Variants in DIS3L2 observed in about 807,000 individuals in gnomAD.
DIS3L2 encodes the protein DIS3-like exonuclease 2.
In DIS3L2, 34 loss-of-function variants were observed where a neutral mutation model predicts 97.5. The observed-to-expected ratio is 0.35, with a 90% confidence interval of 0.27 to 0.46. The LOEUF (loss-of-function observed/expected upper bound fraction) is 0.46. Among genes scored for constraint, DIS3L2 ranks in the 20% least tolerant of loss-of-function variants. The probability of loss-of-function intolerance (pLI) is 1.00; values close to 1 mark genes in which losing one functional copy is unlikely to be tolerated. For missense variants in DIS3L2, 1,038 were observed against 1,146.0 expected (o/e 0.91, Z 1.36); for synonymous variants, 435 against 445.2 (o/e 0.98, Z 0.29).
chr2:231,998,010 T>G (rs1693776037), intron 1 of DIS3L2, among the ~76,000 whole-genome samples: 3 of 152,222 alleles, frequency 2.0e-5, no homozygotes, highest in Admixed American at 1.3e-4. Flanking sequence ...CTCCTTTAAT[T>G]TGGAACAGTT....
At position 232,021,168 on chromosome 2, in the gene DIS3L2, G is replaced by T. The variant is rs375500587; in HGVS notation, c.211-3109G>T. Among the ~76,000 whole-genome samples, 23 of 152,132 alleles carry T rather than the reference G, an allele frequency of 1.5e-4. 3 individuals carry two copies. The highest frequency in any genetic ancestry group is 1.4e-3 in the Admixed American group (22 of 15,264). ...GGAAGGGAGAAAGCAGATAGCTGGG[G>T]TTAGTTGAGAGTAGAGAATCAAGGG... On this transcript the variant is annotated intron_variant, in intron 3 of 20. Coordinates refer to ENST00000325385, the MANE Select transcript of DIS3L2 (RefSeq NM_152383.5).
At chr2:232,201,446 C>T (rs929020073) in intron 9 of DIS3L2, among the ~76,000 whole-genome samples, 2 of 152,212 alleles carry the variant, frequency 1.3e-5, no homozygotes, top group African/African-American at 4.8e-5. Context: ...CTTTACAAGA[C>T]AACTGACCTG....
At chr2:232,033,663 T>G (rs1052423357) in intron 5 of DIS3L2, among the ~76,000 whole-genome samples, 1 of 152,086 alleles carries the variant, frequency 6.6e-6, no homozygotes, top group African/African-American at 2.4e-5. Context: ...GTTTATTGAG[T>G]GTTTTTAGCA....
At chr2:232,308,375 C>T (rs1559204766) in intron 14 of DIS3L2, among the ~76,000 whole-genome samples, 1 of 152,110 alleles carries the variant, frequency 6.6e-6, no homozygotes, top group Non-Finnish European at 1.5e-5. Context: ...CTCAGAGCCT[C>T]CTTGACACTC....
At chr2:232,243,578 C>G (rs934172547) in intron 11 of DIS3L2, among the ~76,000 whole-genome samples, 10 of 152,156 alleles carry the variant, frequency 6.6e-5, no homozygotes, top group Non-Finnish European at 1.5e-4. Context: ...TGAGAGTTTA[C>G]CAATGTGGTA....
intron 1 of DIS3L2, among the ~76,000 whole-genome samples, chr2:231,987,937 G>C (rs1032532970): frequency 6.6e-6 from 1 of 152,014 alleles, no homozygotes; most frequent in African/African-American, 2.4e-5. Flanking sequence ...TCTGCCTCTT[G>C]GGTTCAAGCG....
At chr2:232,100,085 G>T (rs1441730230) in intron 6 of DIS3L2, among the ~76,000 whole-genome samples, 1 of 151,916 alleles carries the variant, frequency 6.6e-6, no homozygotes, top group Non-Finnish European at 1.5e-5. Flanking sequence ...GCCCAGGCTG[G>T]AGTGCAATTG....
intron 4 of DIS3L2, among the ~76,000 whole-genome samples, chr2:232,028,526 A>G (rs945352105): frequency 2.6e-5 from 4 of 152,100 alleles, no homozygotes; most frequent in African/African-American, 9.7e-5. Flanking sequence ...TGACAGTACT[A>G]TCATCCCATC....
At chr2:232,238,679 T>C (rs535221872) in intron 11 of DIS3L2, 34 bp downstream of exon 11, 6 of 1,549,310 alleles carry the variant, frequency 3.9e-6, no homozygotes, top group Non-Finnish European at 5.3e-6. Flanking sequence ...TTTTTCTTGC[T>C]TTGTTTATTT....
intron 5 of DIS3L2, among the ~76,000 whole-genome samples, chr2:232,077,924 ATTTTCTTTCTTTCTTTCT>A (rs1372525430): frequency 7.0e-6 from 1 of 142,168 alleles, no homozygotes; most frequent in Non-Finnish European, 1.6e-5. Context: ...GTTATAGAGT[ATTTTCTTTCTTTCTTTCT>A]TTTTCTTTCT....
intron 5 of DIS3L2, among the ~76,000 whole-genome samples, chr2:232,061,002 A>G (rs766204348): frequency 6.6e-5 from 10 of 152,220 alleles, no homozygotes; most frequent in Admixed American, 2.6e-4. Flanking sequence ...TTGATTTTGT[A>G]TCATGAAACT....
chr2:232,170,936 A>G (rs999111367), intron 9 of DIS3L2, among the ~76,000 whole-genome samples: 4 of 152,304 alleles, frequency 2.6e-5, no homozygotes, highest in South Asian at 2.1e-4. Context: ...TTTGTGGGAA[A>G]GCTTTCAAAC....
chr2:232,102,917 A>G (rs1355761474), intron 6 of DIS3L2, among the ~76,000 whole-genome samples: 1 of 152,128 alleles, frequency 6.6e-6, no homozygotes, highest in Non-Finnish European at 1.5e-5. Context: ...GCCAGTCACA[A>G]TTTTATTTCC....
intron 12 of DIS3L2, among the ~76,000 whole-genome samples, chr2:232,262,069 A>G (rs925417577): frequency 1.3e-5 from 2 of 152,082 alleles, no homozygotes; most frequent in African/African-American, 2.4e-5. Context: ...TTTTCCTAAC[A>G]TCGGTCACTC....
chr2:232,158,176 T>C lies in DIS3L2; in HGVS notation c.951-5283T>C, dbSNP rs78013466. On this transcript the variant is annotated intron_variant, in intron 8 of 20. Transcript: ENST00000325385. ...CCACTGGGAGAAAGTTTCTGCTATA[T>C]TGTCTTTTCAGAGACCATCCCTTAC... Among the ~76,000 whole-genome samples the C allele has an allele frequency of 7.4e-3, 1,122 of 152,334 alleles. 14 individuals are homozygous for C. Among genetic ancestry groups the C allele is most frequent in the African/African-American group, 0.026 (1,083 of 41,576 alleles).
chr2:232,026,690 T>A (rs1287804662), intron 4 of DIS3L2, among the ~76,000 whole-genome samples: 1 of 151,956 alleles, frequency 6.6e-6, no homozygotes, highest in Non-Finnish European at 1.5e-5. Context: ...AGAGCAGAGG[T>A]CCTATGGTTC....
chr2:232,055,008 A>G (rs1185315161), intron 5 of DIS3L2, among the ~76,000 whole-genome samples: 2 of 152,352 alleles, frequency 1.3e-5, no homozygotes, highest in South Asian at 2.1e-4. Context: ...GGAAAAATCT[A>G]TGGTTACTCT....
rs1309913496 is a variant in DIS3L2 at position 232,336,543 on chromosome 2, G to C, written c.2571G>C (p.Leu857=). Residue 857 remains leucine, a synonymous_variant, in exon 21 of 21, where the codon CTG becomes CTC. Transcript: ENST00000325385. The stretch of plus-strand genomic sequence containing the variant: ...CAGCCCTCAAGTACAGCGCCATCCT[G>C]AAGCGGCCAGGCACCCAGGGCCACC... ...ESTALKYSAI[L]KRPGTQGHLG... is the part of the protein sequence containing the mutation. The C allele has an allele frequency of 6.2e-7, 1 of 1,610,118 alleles. No individual in the cohort carries two copies. Among genetic ancestry groups the C allele is most frequent in the African/African-American group, 1.3e-5 (1 of 75,022 alleles).
At chr2:232,169,099 T>C (rs180915346) in intron 9 of DIS3L2, among the ~76,000 whole-genome samples, 1 of 152,254 alleles carries the variant, frequency 6.6e-6, no homozygotes, top group East Asian at 1.9e-4. Context: ...TTGGTGCAAG[T>C]GTTTGTGATC....
Sources: allele counts gnomAD v4.1 joint callset (sites outside exome capture counted in the v4.1 genomes callset), GRCh38; gene constraint gnomAD v4.1.1; transcripts MANE v1.5; gene names NCBI Gene and HGNC (gene_info 2026-07-23, HGNC 2026-07-21).